The following ANXA8 variants were observed in gnomAD, a reference collection of about 807,000 sequenced individuals.
ANXA8 encodes the protein annexin A8.
In ANXA8, 9 loss-of-function variants were observed where a neutral mutation model predicts 26.8. The ratio of observed to expected loss-of-function variants is 0.34; its 90% CI spans 0.20 to 0.59. The LOEUF (loss-of-function observed/expected upper bound fraction) is 0.59, where lower values mean the gene tolerates loss of function less well. ANXA8 is among the 20% of genes least tolerant of loss of function. ANXA8 has a pLI of 0.84. For synonymous variants in ANXA8, 39 were observed against 94.8 expected, an observed-to-expected ratio of 0.41 and a Z score of 3.42; for missense variants, 83 against 238.5, an observed-to-expected ratio of 0.35 and a Z score of 4.29.
the ANXA8 span, among the ~76,000 whole-genome samples, chr10:47,652,578 C>A: frequency 6.7e-6 from 1 of 149,886 alleles, no homozygotes; most frequent in Admixed American, 6.6e-5. Context: ...GCCTGGTCAA[C>A]AGAACGAGAC....
chr10:47,523,291 A>G, the ANXA8 span: 1 of 1,574,258 alleles, frequency 6.4e-7, no homozygotes, highest in African/African-American at 1.4e-5. Flanking sequence ...GATGGCACCT[A>G]TCACCTCCTT....
the ANXA8 span, among the ~76,000 whole-genome samples, chr10:47,587,634 T>C: frequency 6.8e-6 from 1 of 147,198 alleles, no homozygotes; most frequent in Non-Finnish European, 1.5e-5. Flanking sequence ...GCCCCCAAGT[T>C]CCAATAGATA....
chr10:47,703,432 G>A, the ANXA8 span, among the ~76,000 whole-genome samples: 1 of 151,186 alleles, frequency 6.6e-6, no homozygotes, highest in African/African-American at 2.4e-5. Flanking sequence ...ACCAGGTTTG[G>A]AGGTGTGCCC....
chr10:47,651,092 G>A, the ANXA8 span, among the ~76,000 whole-genome samples: 10 of 151,564 alleles, frequency 6.6e-5, no homozygotes, highest in South Asian at 1.2e-3. Flanking sequence ...CCAGCTAGTC[G>A]AGAAGCTGAG....
the ANXA8 span, among the ~76,000 whole-genome samples, chr10:47,888,975 AAT>A: frequency 1.5e-3 from 92 of 62,148 alleles, 6 homozygotes; most frequent in African/African-American, 4.0e-3. Context: ...CTTATAATAT[AAT>A]ATATATGTGT....
the ANXA8 span, among the ~76,000 whole-genome samples, chr10:47,526,425 T>G: frequency 7.3e-6 from 1 of 136,464 alleles, no homozygotes; most frequent in Admixed American, 7.3e-5. Context: ...TTTTTTGATG[T>G]GGATTTTAAA....
chr10:47,982,833 T>TATAA, the ANXA8 span, among the ~76,000 whole-genome samples: 26 of 71,112 alleles, frequency 3.7e-4, no homozygotes, highest in African/African-American at 1.2e-3. Flanking sequence ...TATATATATA[T>TATAA]AAAATTTGAT....
the ANXA8 span, among the ~76,000 whole-genome samples, chr10:47,595,505 C>T: frequency 1.3e-5 from 2 of 149,202 alleles, no homozygotes; most frequent in Non-Finnish European, 2.9e-5. Flanking sequence ...CATCTGCTGT[C>T]TTCAAGAGAC....
the ANXA8 span, among the ~76,000 whole-genome samples, chr10:47,619,329 A>G: frequency 8.8e-5 from 10 of 113,378 alleles, 3 homozygotes; most frequent in African/African-American, 3.4e-4. Context: ...ATAAACTGCT[A>G]TTAAACCCAA....
At chr10:47,648,270 C>T in the ANXA8 span, among the ~76,000 whole-genome samples, 6 of 151,726 alleles carry the variant, frequency 4.0e-5, no homozygotes, top group African/African-American at 1.5e-4. Context: ...CTTGAAGGAA[C>T]TTGGAAAACG....
At chr10:47,487,404 A>G, upstream of ANXA8, 1 of 1,089,248 alleles carries the variant, frequency 9.2e-7, no homozygotes, top group Non-Finnish European at 1.3e-6. Flanking sequence ...TGGCTTCAGC[A>G]ATGGCTGTTG....
chr10:47,621,213 TAAGATG>T, the ANXA8 span, among the ~76,000 whole-genome samples: 1 of 102,980 alleles, frequency 9.7e-6, no homozygotes, highest in South Asian at 3.3e-4. Flanking sequence ...TCTTCAACTC[TAAGATG>T]AGTTCATACT....
chr10:47,663,271 G>A, the ANXA8 span, among the ~76,000 whole-genome samples: 5 of 148,626 alleles, frequency 3.4e-5, no homozygotes, highest in Admixed American at 3.3e-4. Flanking sequence ...TGATGACCGT[G>A]TGTCTCTGCT....
chr10:47,663,874 A>C, the ANXA8 span, among the ~76,000 whole-genome samples: 1 of 147,874 alleles, frequency 6.8e-6, no homozygotes, highest in Non-Finnish European at 1.5e-5. Flanking sequence ...TAAAGCTTGA[A>C]GTGAACTCTG....
chr10:47,622,676 T>C, the ANXA8 span, among the ~76,000 whole-genome samples: 18 of 92,616 alleles, frequency 1.9e-4, 3 homozygotes, highest in Middle Eastern at 4.5e-3. Flanking sequence ...GCCTGGCATT[T>C]ATTTTCCTAA....
the ANXA8 span, chr10:47,581,333 A>G: frequency 2.1e-6 from 1 of 468,282 alleles, no homozygotes; most frequent in Non-Finnish European, 4.1e-6. Flanking sequence ...AAAACCATTC[A>G]TCACCTGCCT....
At chr10:47,535,210 G>T in the ANXA8 span, among the ~76,000 whole-genome samples, 22 of 133,720 alleles carry the variant, frequency 1.6e-4, 3 homozygotes, top group Admixed American at 7.3e-5. Flanking sequence ...CTGACCTCAG[G>T]TGATCCGCCC....
At chr10:47,627,129 G>GTCTCTGCA in the ANXA8 span, among the ~76,000 whole-genome samples, 1 of 149,678 alleles carries the variant, frequency 6.7e-6, no homozygotes, top group Non-Finnish European at 1.5e-5. Flanking sequence ...CAACAATATT[G>GTCTCTGCA]TCTCTGCATG....
chr10:47,553,932 G>T, the ANXA8 span, among the ~76,000 whole-genome samples: 1 of 149,124 alleles, frequency 6.7e-6, no homozygotes, highest in Non-Finnish European at 1.5e-5. Flanking sequence ...TTCCTCCTCT[G>T]TAAAGATGAC....
Sources: gnomAD v4.1 joint callset for allele counts (sites outside exome capture counted in the v4.1 genomes callset) on GRCh38, gnomAD v4.1.1 for gene constraint, MANE v1.5 for transcripts, NCBI Gene and HGNC (gene_info 2026-07-23, HGNC 2026-07-21) for gene names.